The following KANSL1 variants were observed in gnomAD, a reference collection of about 807,000 sequenced individuals.
KANSL1 encodes the protein MLL1/MLL complex subunit KANSL1.
A neutral mutation model predicts 103.6 loss-of-function variants in KANSL1; 22 were observed. That is an observed-to-expected ratio of 0.21 (90% CI 0.15 to 0.30). KANSL1 has a LOEUF of 0.30. KANSL1 is among the 10% of genes least tolerant of loss of function. The pLI is 1.00. For missense variants in KANSL1, 1,337 were observed against 1,399.8 expected (o/e 0.96, Z 0.72); for synonymous variants, 600 against 527.6 (o/e 1.14, Z -1.88).
chr17:46,078,747 A>G (rs543123361), intron 4 of KANSL1, among the ~76,000 whole-genome samples: 2 of 150,884 alleles, frequency 1.3e-5, no homozygotes, highest in African/African-American at 4.8e-5. Context: ...TTTCTTAAGC[A>G]GGGGAAAGCA....
At chr17:46,204,956 A>C (rs1233426632) in intron 1 of KANSL1, among the ~76,000 whole-genome samples, 1 of 152,214 alleles carries the variant, frequency 6.6e-6, no homozygotes, top group Non-Finnish European at 1.5e-5. Context: ...CTAATAAAAA[A>C]TACCTATGGG....
chr17:46,057,618 G>A (rs62060768), intron 6 of KANSL1, among the ~76,000 whole-genome samples: 21,776 of 151,964 alleles, frequency 0.14, 2,126 homozygotes, highest in Non-Finnish European at 0.22. Flanking sequence ...GTTTTCTCAC[G>A]AAACTAAAAC....
chr17:46,091,062 G>A (rs2079367370), intron 3 of KANSL1, among the ~76,000 whole-genome samples: 1 of 152,346 alleles, frequency 6.6e-6, no homozygotes, highest in East Asian at 1.9e-4. Flanking sequence ...CACTGTCACA[G>A]GCAATGAAAG....
At chr17:46,166,821 A>G (rs2046024785) in intron 2 of KANSL1, among the ~76,000 whole-genome samples, 1 of 152,208 alleles carries the variant, frequency 6.6e-6, no homozygotes, top group African/African-American at 2.4e-5. Flanking sequence ...TAATAAAAAC[A>G]GACTAAAAGC....
chr17:46,038,940 T>G, intron 9 of KANSL1, 87 bp downstream of exon 9: 1 of 1,482,212 alleles, frequency 6.7e-7, no homozygotes, highest in Non-Finnish European at 9.2e-7. Flanking sequence ...AGGACAAAGC[T>G]GGGGGTAATT....
chr17:46,150,416 T>A (rs748391183), intron 2 of KANSL1, among the ~76,000 whole-genome samples: 19 of 152,232 alleles, frequency 1.2e-4, no homozygotes, highest in African/African-American at 4.6e-4. Context: ...TGACAATGAT[T>A]GCTTTGTATC....
At chr17:46,217,851 CCT>C (rs1399278059) in intron 1 of KANSL1, among the ~76,000 whole-genome samples, 1 of 152,178 alleles carries the variant, frequency 6.6e-6, no homozygotes, top group Non-Finnish European at 1.5e-5. Flanking sequence ...ATGGTGAAAC[CCT>C]GTTTCTACAA....
intron 6 of KANSL1, among the ~76,000 whole-genome samples, chr17:46,053,278 C>T (rs985432493): frequency 5.3e-5 from 8 of 151,312 alleles, no homozygotes; most frequent in South Asian, 2.1e-4. Context: ...AGCAAAACTC[C>T]GTCTCCAAAA....
At chr17:46,119,386 C>T (rs1438054700) in intron 2 of KANSL1, among the ~76,000 whole-genome samples, 1 of 151,408 alleles carries the variant, frequency 6.6e-6, no homozygotes, top group African/African-American at 2.4e-5. Context: ...TGGTTCACTG[C>T]AACCTCCGCT....
At chr17:46,128,324 C>T (rs4471723) in intron 2 of KANSL1, among the ~76,000 whole-genome samples, 21,989 of 151,926 alleles carry the variant, frequency 0.14, 2,181 homozygotes, top group Non-Finnish European at 0.22. Context: ...TTTATTCACT[C>T]GATTCAAGCA....
At chr17:46,218,782 C>CA (rs34293999) in intron 1 of KANSL1, among the ~76,000 whole-genome samples, 3,062 of 137,966 alleles carry the variant, frequency 0.022, 46 homozygotes, top group Non-Finnish European at 0.031. Context: ...GACTCCATCT[C>CA]AAAAAAAAAA....
At chr17:46,138,242 G>C (rs140545586) in intron 2 of KANSL1, among the ~76,000 whole-genome samples, 1 of 152,272 alleles carries the variant, frequency 6.6e-6, no homozygotes, top group East Asian at 1.9e-4. Flanking sequence ...TTCCAGATTT[G>C]GGATGTTCAA....
intron 2 of KANSL1, among the ~76,000 whole-genome samples, chr17:46,168,951 T>C (rs1174016246): frequency 6.6e-6 from 1 of 152,234 alleles, no homozygotes; most frequent in Non-Finnish European, 1.5e-5. Context: ...AATTCTCAGG[T>C]ACTTTTATTT....
intron 1 of KANSL1, among the ~76,000 whole-genome samples, chr17:46,180,469 G>A (rs2046735708): frequency 6.6e-6 from 1 of 152,270 alleles, no homozygotes; most frequent in South Asian, 2.1e-4. Flanking sequence ...TTGCACTCCA[G>A]CCTGGGTGAC....
chr17:46,109,386 A>T (rs1208224953), intron 2 of KANSL1, among the ~76,000 whole-genome samples: 1 of 152,234 alleles, frequency 6.6e-6, no homozygotes, highest in Non-Finnish European at 1.5e-5. Flanking sequence ...CAAACCACTT[A>T]CTAACAGAAT....
chr17:46,175,254 AG>A (rs1476934596), intron 1 of KANSL1, among the ~76,000 whole-genome samples: 2 of 152,108 alleles, frequency 1.3e-5, no homozygotes, highest in African/African-American at 2.4e-5. Flanking sequence ...TAAATGACTG[AG>A]AAAACATTAT....
chr17:46,187,725 T>C (rs554817297), intron 1 of KANSL1, among the ~76,000 whole-genome samples: 3 of 152,372 alleles, frequency 2.0e-5, no homozygotes, highest in Non-Finnish European at 2.9e-5. Flanking sequence ...TTTTGCCGCA[T>C]TGTGCTACTA....
intron 3 of KANSL1, 73 bp from the exon 4 acceptor site, chr17:46,082,615 T>C (rs1281158712): frequency 2.4e-6 from 2 of 823,420 alleles, no homozygotes; most frequent in Non-Finnish European, 3.9e-6. Flanking sequence ...GAGTTAAGTC[T>C]CAAAAGGACT....
At chr17:46,196,673 T>C (rs1316735912), upstream of KANSL1, 1 of 283,662 alleles carries the variant, frequency 3.5e-6, no homozygotes, top group Non-Finnish European at 7.0e-6. Flanking sequence ...ATTAATTGCT[T>C]AAGCCAATTT....
Sources: allele counts gnomAD v4.1 joint callset (sites outside exome capture counted in the v4.1 genomes callset), GRCh38; gene constraint gnomAD v4.1.1; transcripts MANE v1.5; gene names NCBI Gene and HGNC (gene_info 2026-07-23, HGNC 2026-07-21).